The following ASIC2 variants were observed in gnomAD, a reference collection of about 807,000 sequenced individuals.
ASIC2 encodes acid-sensing ion channel 2.
In ASIC2, 25 loss-of-function variants were observed where a neutral mutation model predicts 57.3. The ratio of observed to expected loss-of-function variants is 0.44; its 90% CI spans 0.32 to 0.61. ASIC2 has a LOEUF of 0.61. ASIC2 is among the 20% of genes least tolerant of loss of function. ASIC2 has a pLI of 0.06. For synonymous variants in ASIC2, 319 were observed against 307.5 expected, an observed-to-expected ratio of 1.04 and a Z score of -0.39; for missense variants, 641 against 738.1, an observed-to-expected ratio of 0.87 and a Z score of 1.52.
chr17:33,161,570 C>T (rs1019411), intron 1 of ASIC2, among the ~76,000 whole-genome samples: 39,459 of 152,114 alleles, frequency 0.26, 5,262 homozygotes, highest in East Asian at 0.4. Flanking sequence ...TTATTTATTT[C>T]CTTGCTTATT....
At chr17:33,590,453 A>G (rs1370828532) in intron 1 of ASIC2, among the ~76,000 whole-genome samples, 1 of 152,124 alleles carries the variant, frequency 6.6e-6, no homozygotes, top group Non-Finnish European at 1.5e-5. Context: ...GGTGAGGAAC[A>G]GGTTTCTTAT....
rs866973446 is a variant in ASIC2 at position 33,292,670 on chromosome 17, G to T, written c.-555C>A. ...CACGGGAGAGAAGGCGCCAAGGAAC[G>T]AGCGCCCCCAGAGGCGCACCGCGGC... On this transcript the variant is annotated 5_prime_UTR_variant, in exon 1 of 10. Coordinates refer to ENST00000225823, the MANE Select transcript of ASIC2 (RefSeq NM_183377.2). The T allele has an allele frequency of 1.2e-5, 12 of 985,574 alleles. No homozygotes were observed. Among genetic ancestry groups the T allele is most frequent in the Non-Finnish European group, 1.4e-5 (12 of 830,144 alleles). The allele number at this position is 985,574 out of a possible 1,614,324, so 61.1% of individuals were successfully genotyped here.
chr17:34,030,816 C>A (rs988538707), intron 1 of ASIC2, among the ~76,000 whole-genome samples: 2 of 152,184 alleles, frequency 1.3e-5, no homozygotes, highest in African/African-American at 2.4e-5. Flanking sequence ...GGAGGGGCAC[C>A]CGCAATTGCC....
chr17:34,044,112 A>ACACACACACG (rs1295660376), intron 1 of ASIC2, among the ~76,000 whole-genome samples: 2 of 93,556 alleles, frequency 2.1e-5, no homozygotes, highest in Non-Finnish European at 4.1e-5. Flanking sequence ...ACACACACAC[A>ACACACACACG]CACACACACA....
intron 1 of ASIC2, among the ~76,000 whole-genome samples, chr17:33,644,322 T>C (rs1283009482): frequency 6.6e-6 from 1 of 151,190 alleles, no homozygotes; most frequent in Non-Finnish European, 1.5e-5. Context: ...TTGAACCTGG[T>C]ACTTCTACTT....
intron 1 of ASIC2, among the ~76,000 whole-genome samples, chr17:33,858,564 G>T (rs1294642940): frequency 6.6e-6 from 1 of 152,266 alleles, no homozygotes; most frequent in Non-Finnish European, 1.5e-5. Context: ...CTGAGTCCCT[G>T]TGAGCAGTCA....
At chr17:33,205,467 T>C (rs1403022164) in intron 1 of ASIC2, among the ~76,000 whole-genome samples, 1 of 152,202 alleles carries the variant, frequency 6.6e-6, no homozygotes, top group African/African-American at 2.4e-5. Flanking sequence ...CACCAGCAAA[T>C]TTACTTATCA....
chr17:33,700,161 G>T (rs1459972578), intron 1 of ASIC2, among the ~76,000 whole-genome samples: 3 of 152,100 alleles, frequency 2.0e-5, no homozygotes, highest in African/African-American at 7.2e-5. Flanking sequence ...CCCAGACTAA[G>T]CTGGGATCCT....
chr17:34,018,589 T>C (rs375794924), intron 1 of ASIC2, among the ~76,000 whole-genome samples: 1 of 152,306 alleles, frequency 6.6e-6, no homozygotes, highest in Non-Finnish European at 1.5e-5. Context: ...CTAGATATAA[T>C]TAAGAACATC....
At chr17:33,128,779 C>T (rs1361752483) in intron 1 of ASIC2, among the ~76,000 whole-genome samples, 1 of 152,244 alleles carries the variant, frequency 6.6e-6, no homozygotes, top group Non-Finnish European at 1.5e-5. Flanking sequence ...CAGCTACCAA[C>T]ACTCACAGTC....
At chr17:33,712,636 C>CTTTTTTTTTTTT (rs60673332) in intron 1 of ASIC2, among the ~76,000 whole-genome samples, 1 of 63,594 alleles carries the variant, frequency 1.6e-5, no homozygotes, top group Non-Finnish European at 2.9e-5. Context: ...ACTCATATGG[C>CTTTTTTTTTTTT]TTTTTTTTTT....
At chr17:33,380,605 C>A (rs150983163) in intron 1 of ASIC2, among the ~76,000 whole-genome samples, 1 of 152,318 alleles carries the variant, frequency 6.6e-6, no homozygotes, top group East Asian at 1.9e-4. Flanking sequence ...CAAGCTGTCG[C>A]TGGAAAGTGG....
chr17:33,510,379 T>C (rs1002448862), intron 1 of ASIC2, among the ~76,000 whole-genome samples: 8 of 152,262 alleles, frequency 5.3e-5, no homozygotes, highest in Admixed American at 3.9e-4. Flanking sequence ...TAGCCTGGCA[T>C]GGTGGCTCAT....
intron 1 of ASIC2, among the ~76,000 whole-genome samples, chr17:33,615,703 A>G (rs1001503781): frequency 2.0e-5 from 3 of 152,236 alleles, no homozygotes; most frequent in Non-Finnish European, 4.4e-5. Context: ...TAGATAGTCC[A>G]TGAAAACCTT....
chr17:33,868,309 A>G (rs887583479), intron 1 of ASIC2, among the ~76,000 whole-genome samples: 1 of 152,136 alleles, frequency 6.6e-6, no homozygotes, highest in African/African-American at 2.4e-5. Flanking sequence ...GAAAACAGCT[A>G]TAGATAGTAT....
intron 1 of ASIC2, among the ~76,000 whole-genome samples, chr17:33,427,146 C>T (rs553745671): frequency 4.6e-5 from 7 of 152,220 alleles, no homozygotes; most frequent in South Asian, 2.1e-4. Flanking sequence ...CAGAAGGATT[C>T]GGGACTTACC....
intron 1 of ASIC2, among the ~76,000 whole-genome samples, chr17:33,522,413 T>C (rs1411683534): frequency 1.3e-5 from 2 of 152,220 alleles, no homozygotes; most frequent in Non-Finnish European, 2.9e-5. Context: ...GAGGCCCACC[T>C]GTGGGGGGCC....
intron 1 of ASIC2, among the ~76,000 whole-genome samples, chr17:34,078,536 G>A (rs1019482590): frequency 1.3e-5 from 2 of 152,126 alleles, no homozygotes; most frequent in Admixed American, 6.5e-5. Flanking sequence ...TTATAGCAAG[G>A]TAATTAGCTC....
At chr17:33,829,206 C>T (rs1913030268) in intron 1 of ASIC2, among the ~76,000 whole-genome samples, 2 of 152,148 alleles carry the variant, frequency 1.3e-5, no homozygotes, top group Non-Finnish European at 2.9e-5. Context: ...TGATGAGATC[C>T]ACCCTTAGTC....
Sources: gnomAD v4.1 joint callset for allele counts (sites outside exome capture counted in the v4.1 genomes callset) on GRCh38, gnomAD v4.1.1 for gene constraint, MANE v1.5 for transcripts, NCBI Gene and HGNC (gene_info 2026-07-23, HGNC 2026-07-21) for gene names.